Variants in MEGF11 observed in about 807,000 individuals in gnomAD.
The protein encoded by MEGF11 is multiple epidermal growth factor-like domains protein 11.
A neutral mutation model predicts 146.6 loss-of-function variants in MEGF11; 126 were observed. The ratio of observed to expected loss-of-function variants is 0.86; its 90% confidence interval spans 0.74 to 1.00. The LOEUF (loss-of-function observed/expected upper bound fraction) is 1.00, where lower values mean the gene tolerates loss of function less well. Ranked by LOEUF, MEGF11 falls within the 50% of genes least tolerant of loss-of-function variation. The pLI is 0.00. For synonymous variants in MEGF11, 532 were observed against 583.4 expected (o/e 0.91, Z 1.27); for missense variants, 1,509 against 1,521.2 (o/e 0.99, Z 0.13).
At position 66,012,386 on chromosome 15, in the gene MEGF11, C is replaced by G. The variant is rs1352104883; in HGVS notation, c.395-29898G>C. On this transcript the variant is annotated intron_variant, in intron 5 of 25. Transcript: ENST00000395614. ...GTTAGTGGCAGGTGCTGGAGCTAGG[C>G]TCTTGTGGTGTGGGGGAGTCTGGGA... Among the ~76,000 whole-genome samples the G allele has an allele frequency of 2.0e-5, 3 of 152,144 alleles. No individual in the cohort carries two copies. In the East Asian group the frequency reaches 5.8e-4, roughly 29 times the overall value.
chr15:66,248,457 C>G (rs970048083), intron 1 of MEGF11, among the ~76,000 whole-genome samples: 1 of 152,178 alleles, frequency 6.6e-6, no homozygotes, highest in African/African-American at 2.4e-5. Context: ...AGTCCTGGCC[C>G]CTGCCCTCAT....
At chr15:66,214,575 T>C (rs1003455880) in intron 1 of MEGF11, among the ~76,000 whole-genome samples, 3 of 152,068 alleles carry the variant, frequency 2.0e-5, no homozygotes, top group African/African-American at 7.2e-5. Flanking sequence ...AAGTGGTGGT[T>C]TGATTAATTG....
At chr15:65,934,747 G>A (rs188581512) in intron 10 of MEGF11, among the ~76,000 whole-genome samples, 316 of 152,232 alleles carry the variant, frequency 2.1e-3, no homozygotes, top group African/African-American at 7.4e-3. Flanking sequence ...CCCATGTAAC[G>A]AAGTCTCCAT....
intron 5 of MEGF11, among the ~76,000 whole-genome samples, chr15:66,009,430 C>T (rs1270907743): frequency 1.3e-5 from 2 of 151,862 alleles, no homozygotes; most frequent in Non-Finnish European, 2.9e-5. Context: ...CTCTGTTAGG[C>T]TGACTCACAT....
rs570401292 is a variant in MEGF11 at position 65,914,646 on chromosome 15, A to T, written c.2474-673T>A. On this transcript the variant is annotated intron_variant, in intron 19 of 25. Coordinates refer to ENST00000395614, the MANE Select transcript of MEGF11 (RefSeq NM_001385028.1). ...GTCCTGCCAGGCCCACAGTGTCTAGACTTCTCCTTGACTGTTGGCTGCTGG... is the reference window on the plus strand; with the variant it reads ...GTCCTGCCAGGCCCACAGTGTCTAGTCTTCTCCTTGACTGTTGGCTGCTGG... Among the ~76,000 whole-genome samples the T allele has an allele frequency of 8.5e-5, 13 of 152,242 alleles. No homozygotes were observed. The East Asian group carries it at 2.5e-3, about 29-fold the overall frequency.
intron 13 of MEGF11, among the ~76,000 whole-genome samples, 178 bp downstream of exon 13, chr15:65,928,247 A>T (rs2079443736): frequency 6.6e-6 from 1 of 152,250 alleles, no homozygotes; most frequent in African/African-American, 2.4e-5. Flanking sequence ...TAGATGTTCA[A>T]TAAATATTTA....
intron 1 of MEGF11, among the ~76,000 whole-genome samples, chr15:66,225,186 G>A (rs185307249): frequency 2.0e-5 from 3 of 152,302 alleles, no homozygotes; most frequent in African/African-American, 7.2e-5. Context: ...ACTTGGTCAC[G>A]GCCCAGCACC....
intron 1 of MEGF11, among the ~76,000 whole-genome samples, chr15:66,154,231 G>A (rs2089670532): frequency 6.6e-6 from 1 of 152,252 alleles, no homozygotes; most frequent in South Asian, 2.1e-4. Flanking sequence ...AACTGTCAGA[G>A]CAATTTTCCA....
chr15:66,103,806 G>T (rs2086936307), intron 4 of MEGF11, among the ~76,000 whole-genome samples: 1 of 152,168 alleles, frequency 6.6e-6, no homozygotes, highest in South Asian at 2.1e-4. Flanking sequence ...GCAAGGCAGG[G>T]CTGCAACCCA....
intron 1 of MEGF11, among the ~76,000 whole-genome samples, chr15:66,155,963 C>T (rs1425718013): frequency 2.6e-5 from 4 of 152,168 alleles, no homozygotes; most frequent in Admixed American, 2.0e-4. Context: ...ACAGACCCAC[C>T]GACCCATCAG....
intron 5 of MEGF11, among the ~76,000 whole-genome samples, chr15:66,060,716 GGA>G (rs1286972205): frequency 1.3e-5 from 2 of 152,206 alleles, no homozygotes; most frequent in Non-Finnish European, 2.9e-5. Flanking sequence ...GAGCTCCTGA[GGA>G]GAGACCACAT....
At chr15:65,904,456 G>C (rs1014537928) in intron 24 of MEGF11, among the ~76,000 whole-genome samples, 3 of 152,186 alleles carry the variant, frequency 2.0e-5, no homozygotes, top group Non-Finnish European at 2.9e-5. Flanking sequence ...AGTTCTCTTG[G>C]GCTGTGTATA....
At chr15:66,126,664 T>C (rs1376691295) in intron 2 of MEGF11, among the ~76,000 whole-genome samples, 1 of 152,074 alleles carries the variant, frequency 6.6e-6, no homozygotes, top group African/African-American at 2.4e-5. Context: ...CTCGAGGGGC[T>C]GTGAGGCAGC....
intron 1 of MEGF11, among the ~76,000 whole-genome samples, chr15:66,242,630 G>T (rs2092232514): frequency 6.6e-6 from 1 of 152,122 alleles, no homozygotes; most frequent in Admixed American, 6.5e-5. Flanking sequence ...CAGTAGGAAA[G>T]GGCAAGCAAG....
chr15:66,130,258 G>A (rs1019904436), intron 1 of MEGF11, among the ~76,000 whole-genome samples: 3 of 152,204 alleles, frequency 2.0e-5, no homozygotes, highest in African/African-American at 7.2e-5. Flanking sequence ...TCCAAGTGGG[G>A]TTTGGGCTAA....
At chr15:66,213,300 C>A (rs1387676256) in intron 1 of MEGF11, among the ~76,000 whole-genome samples, 3 of 151,866 alleles carry the variant, frequency 2.0e-5, no homozygotes, top group African/African-American at 7.3e-5. Context: ...ATGAAGAGAC[C>A]CAGAGAGGGG....
chr15:65,930,495 C>A (rs1195292192), intron 11 of MEGF11, among the ~76,000 whole-genome samples: 1 of 152,182 alleles, frequency 6.6e-6, no homozygotes, highest in African/African-American at 2.4e-5. Context: ...CCCTCACTCC[C>A]AGGCTCTGGG....
chr15:66,017,291 A>T (rs1377050681), intron 5 of MEGF11, among the ~76,000 whole-genome samples: 4 of 152,158 alleles, frequency 2.6e-5, no homozygotes, highest in Non-Finnish European at 5.9e-5. Flanking sequence ...CTGGGTCCTC[A>T]GGATACTGCT....
At chr15:66,154,331 G>T (rs1349488663) in intron 1 of MEGF11, among the ~76,000 whole-genome samples, 2 of 152,180 alleles carry the variant, frequency 1.3e-5, no homozygotes, top group Non-Finnish European at 2.9e-5. Flanking sequence ...CTGTACTGAA[G>T]TCGGCCCAGC....
Sources: allele counts gnomAD v4.1 joint callset (sites outside exome capture counted in the v4.1 genomes callset), GRCh38; gene constraint gnomAD v4.1.1; transcripts MANE v1.5; gene names NCBI Gene and HGNC (gene_info 2026-07-23, HGNC 2026-07-21).